GNAQ: variants seen among roughly 807,000 people sequenced by gnomAD.
GNAQ encodes guanine nucleotide-binding protein G(q) subunit alpha.
A neutral mutation model predicts 43.9 loss-of-function variants in GNAQ; 8 were observed. That is an observed-to-expected ratio of 0.18 (90% CI 0.11 to 0.33). GNAQ has a LOEUF of 0.33. Among genes scored for constraint, GNAQ ranks in the 10% least tolerant of loss-of-function variants. GNAQ has a pLI of 1.00. For synonymous variants in GNAQ, 155 were observed against 170.7 expected, an observed-to-expected ratio of 0.91 and a Z score of 0.71; for missense variants, 158 against 450.8, an observed-to-expected ratio of 0.35 and a Z score of 5.88.
chr9:77,984,875 A>G (rs1247739618), intron 1 of GNAQ, among the ~76,000 whole-genome samples: 2 of 152,180 alleles, frequency 1.3e-5, no homozygotes, highest in Admixed American at 1.3e-4. Context: ...TCCAACATCT[A>G]TTCAGGTATT....
chr9:77,764,655 C>T (rs897980271), intron 5 of GNAQ, among the ~76,000 whole-genome samples: 7 of 152,066 alleles, frequency 4.6e-5, no homozygotes, highest in African/African-American at 1.7e-4. Context: ...CGGGGTTTCA[C>T]CGTGTTAGCC....
At position 77,992,661 on chromosome 9, in the gene GNAQ, C is replaced by T. The variant is rs112824716; in HGVS notation, c.136+38439G>A. Among the ~76,000 whole-genome samples, 899 of 152,182 alleles carry T rather than the reference C, an allele frequency of 5.9e-3. 3 individuals carry two copies. The highest frequency in any genetic ancestry group is 0.02 in the African/African-American group (849 of 41,528). The stretch of plus-strand genomic sequence containing the variant: ...CAGGTTTGAAACAAAAGAGGAACGA[C>T]GTCCAGGCATGGTGGCTCATGCCTG... On this transcript the variant is annotated intron_variant, in intron 1 of 6. Transcript: ENST00000286548.
chr9:77,848,391 T>C (rs1827619832), intron 2 of GNAQ, among the ~76,000 whole-genome samples: 1 of 152,162 alleles, frequency 6.6e-6, no homozygotes, highest in Admixed American at 6.6e-5. Flanking sequence ...TTCAAACCAC[T>C]CTCACAGATC....
At chr9:77,874,062 A>G (rs1045822882) in intron 2 of GNAQ, among the ~76,000 whole-genome samples, 4 of 150,330 alleles carry the variant, frequency 2.7e-5, no homozygotes, top group African/African-American at 9.8e-5. Context: ...CTGAGATCGC[A>G]CCATTGCACT....
chr9:77,923,954 G>A (rs969094383), intron 1 of GNAQ, among the ~76,000 whole-genome samples: 1 of 152,102 alleles, frequency 6.6e-6, no homozygotes, highest in African/African-American at 2.4e-5. Flanking sequence ...TTTCAATTAA[G>A]TATTACAGTT....
intron 1 of GNAQ, among the ~76,000 whole-genome samples, chr9:77,939,622 A>C (rs897899638): frequency 1.3e-5 from 2 of 152,198 alleles, no homozygotes; most frequent in African/African-American, 4.8e-5. Context: ...AAACAGAAAA[A>C]ATCCAAACCA....
chr9:77,803,152 G>A (rs568507460), intron 3 of GNAQ, among the ~76,000 whole-genome samples: 16 of 152,252 alleles, frequency 1.1e-4, no homozygotes, highest in African/African-American at 3.9e-4. Context: ...ACACAGGAGA[G>A]GGGAGGTTGT....
At chr9:77,942,400 T>C (rs1291428443) in intron 1 of GNAQ, among the ~76,000 whole-genome samples, 1 of 152,220 alleles carries the variant, frequency 6.6e-6, no homozygotes, top group Non-Finnish European at 1.5e-5. Context: ...AGAACATGTT[T>C]TGGGTTGAGT....
intron 2 of GNAQ, among the ~76,000 whole-genome samples, chr9:77,903,413 C>A (rs895293025): frequency 8.5e-5 from 13 of 152,110 alleles, no homozygotes; most frequent in Non-Finnish European, 1.3e-4. Flanking sequence ...CTTACTTATG[C>A]AAGGGAGAGG....
At chr9:77,872,884 G>A (rs140536430) in intron 2 of GNAQ, among the ~76,000 whole-genome samples, 9 of 152,206 alleles carry the variant, frequency 5.9e-5, no homozygotes, top group East Asian at 1.9e-4. Flanking sequence ...ACTCTCCCTC[G>A]GTAAGGACCA....
rs1824064076 is a variant in GNAQ, at chr9:78,031,644, A to AGAGCTCATCCAGGCGC, written c.-410_-409insGCGCCTGGATGAGCTC. Among the ~76,000 whole-genome samples, 1 of 146,670 alleles carries AGAGCTCATCCAGGCGC rather than the reference A, an allele frequency of 6.8e-6. No individual in the cohort carries two copies. Among genetic ancestry groups the AGAGCTCATCCAGGCGC allele is most frequent in the Non-Finnish European group, 1.5e-5 (1 of 65,970 alleles). Reference sequence around the variant, plus strand: ...CCCCTACGCCGTGCGCCTGGCGGCGAGAGCTCATTCACCGGGGTGTCCCCG... The same window carrying AGAGCTCATCCAGGCGC: ...CCCCTACGCCGTGCGCCTGGCGGCGAGAGCTCATCCAGGCGCGAGCTCATTCACCGGGGTGTCCCCG... On this transcript the variant is annotated 5_prime_UTR_variant, in exon 1 of 7. In the 5' UTR this introduces an upstream ATG that the reference lacks. Transcript: ENST00000286548.
intron 3 of GNAQ, among the ~76,000 whole-genome samples, chr9:77,806,603 T>C (rs1826833952): frequency 6.6e-6 from 1 of 152,150 alleles, no homozygotes; most frequent in East Asian, 1.9e-4. Flanking sequence ...CACTGGAGAA[T>C]AGTGTGCAGT....
At chr9:78,030,615 C>G (rs1470394016) in intron 1 of GNAQ, 2 of 455,050 alleles carry the variant, frequency 4.4e-6, no homozygotes, top group Non-Finnish European at 9.2e-6. Context: ...GGCCACTCCA[C>G]CGCAGGCCAT....
chr9:77,918,066 T>C (rs1828939889), intron 2 of GNAQ, among the ~76,000 whole-genome samples: 1 of 152,090 alleles, frequency 6.6e-6, no homozygotes, highest in African/African-American at 2.4e-5. Context: ...GTTCAAGCAA[T>C]AACAAGTAAG....
At chr9:77,956,505 A>G (rs1823042620) in intron 1 of GNAQ, among the ~76,000 whole-genome samples, 1 of 152,318 alleles carries the variant, frequency 6.6e-6, no homozygotes, top group Admixed American at 6.5e-5. Context: ...TCACTTTCAA[A>G]GCCATATATC....
chr9:77,728,128 G>T (rs1014136102), intron 6 of GNAQ, among the ~76,000 whole-genome samples: 1 of 152,020 alleles, frequency 6.6e-6, no homozygotes, highest in African/African-American at 2.4e-5. Flanking sequence ...CCGAGAAGCT[G>T]GGACTACAGG....
chr9:77,923,794 GAGAGAGGGAAAGGAAGGAAAGAAGGA>G (rs1190423830), intron 1 of GNAQ, among the ~76,000 whole-genome samples: 1 of 151,976 alleles, frequency 6.6e-6, no homozygotes, highest in East Asian at 1.9e-4. Context: ...AGGAAAAGAA[GAGAGAGGGAAAGGAAGGAAAGAAGGA>G]AGAGAGGGAG....
intron 1 of GNAQ, among the ~76,000 whole-genome samples, chr9:77,991,571 C>CT (rs769066952): frequency 1.3e-5 from 2 of 152,094 alleles, no homozygotes; most frequent in Non-Finnish European, 2.9e-5. Flanking sequence ...TCTTAAAAAT[C>CT]TTTTTTTAAT....
At chr9:78,010,062 A>T (rs752924403) in intron 1 of GNAQ, among the ~76,000 whole-genome samples, 1 of 152,234 alleles carries the variant, frequency 6.6e-6, no homozygotes, top group African/African-American at 2.4e-5. Context: ...AGTCACACGA[A>T]TGTCAGGGAG....
Sources: gnomAD v4.1 joint callset for allele counts (sites outside exome capture counted in the v4.1 genomes callset) on GRCh38, gnomAD v4.1.1 for gene constraint, MANE v1.5 for transcripts, NCBI Gene and HGNC (gene_info 2026-07-23, HGNC 2026-07-21) for gene names.